PCDH9: variants seen among roughly 807,000 people sequenced by gnomAD.
The protein encoded by PCDH9 is protocadherin-9.
Under a neutral mutation model 70.6 loss-of-function variants are expected in PCDH9, and 24 were observed. The ratio of observed to expected loss-of-function variants is 0.34; its 90% CI spans 0.25 to 0.48. The LOEUF (loss-of-function observed/expected upper bound fraction) is 0.48, where lower values mean the gene tolerates loss of function less well. Ranked by LOEUF, PCDH9 falls within the 20% of genes least tolerant of loss-of-function variation. PCDH9 has a pLI of 0.99. For missense variants in PCDH9, 1,281 were observed against 1,503.6 expected, an observed-to-expected ratio of 0.85 and a Z score of 2.45; for synonymous variants, 562 against 558.5, an observed-to-expected ratio of 1.01 and a Z score of -0.09.
At chr13:66,679,647 T>A (rs915376351) in intron 3 of PCDH9, among the ~76,000 whole-genome samples, 5 of 151,998 alleles carry the variant, frequency 3.3e-5, no homozygotes, top group African/African-American at 9.6e-5. Flanking sequence ...ATAGCAATGT[T>A]AATGTTACAG....
intron 2 of PCDH9, among the ~76,000 whole-genome samples, chr13:67,131,179 A>T (rs1264012910): frequency 4.6e-5 from 7 of 152,162 alleles, no homozygotes; most frequent in Non-Finnish European, 7.4e-5. Flanking sequence ...TTCTAAGTAA[A>T]TAGAAAATTT....
chr13:67,059,329 A>AC (rs112282439), intron 2 of PCDH9, among the ~76,000 whole-genome samples: 56 of 141,664 alleles, frequency 4.0e-4, no homozygotes, highest in African/African-American at 9.1e-4. Context: ...AAAAAAAAAA[A>AC]CAAATTTCAA....
Position 67,225,792 on chromosome 13 carries a change from G to T in PCDH9, c.2649C>A (p.Asn883Lys), listed in dbSNP as rs371380403. ...KRKSPKSSLL[N>K]FVTIEESKPD... ...GTTTGGACTCTTCGATAGTAACAAA[G>T]TTCAAAAGAGAGCTTTTGGGAGACT... is the stretch of plus-strand genomic sequence containing the variant. The change falls in exon 2 of 5, where the codon AAC (asparagine) becomes AAA (lysine). Residue 883 changes from asparagine (N) to lysine (K), a missense_variant. Physicochemically the swap from Asn to Lys is moderately conservative, Grantham distance 94. Around this residue, in one of 4 missense-constraint regions of PCDH9, gnomAD observed 207 missense variants for 191.8 expected, o/e 1.08. Transcript: ENST00000377865. 2 of 1,613,988 alleles carry T rather than the reference G, an allele frequency of 1.2e-6. No individual in the cohort carries two copies. The highest frequency in any genetic ancestry group is 2.7e-5 in the African/African-American group (2 of 74,940).
At chr13:66,543,292 C>T (rs561576167) in intron 4 of PCDH9, among the ~76,000 whole-genome samples, 8 of 152,136 alleles carry the variant, frequency 5.3e-5, no homozygotes, top group African/African-American at 9.6e-5. Context: ...AAATGATGGC[C>T]GGGCACAGTG....
intron 3 of PCDH9, among the ~76,000 whole-genome samples, chr13:66,846,526 T>C (rs1173429342): frequency 1.3e-5 from 2 of 152,178 alleles, no homozygotes; most frequent in African/African-American, 4.8e-5. Context: ...ACTGTATTTT[T>C]AGGAATATGA....
intron 2 of PCDH9, among the ~76,000 whole-genome samples, chr13:67,077,929 A>C (rs568938204): frequency 6.6e-6 from 1 of 152,326 alleles, no homozygotes; most frequent in South Asian, 2.1e-4. Context: ...ATTTCTACAT[A>C]CAAGTCTAAA....
At position 66,449,098 on chromosome 13, in the gene PCDH9, GA is replaced by G. The variant is rs543937111; in HGVS notation, c.3341-144071del. ...GATAAAATCATCTGCTCCTCCTAGT[GA>G]GCTTATATAATCTTCCATAAAACAC... On this transcript the variant is annotated intron_variant, in intron 4 of 4. Coordinates refer to ENST00000377865, the MANE Select transcript of PCDH9 (RefSeq NM_203487.3). Among the ~76,000 whole-genome samples, 511 of 152,174 alleles carry G rather than the reference GA, an allele frequency of 3.4e-3. 6 individuals are homozygous for G. The highest frequency in any genetic ancestry group is 0.012 in the African/African-American group (491 of 41,538).
At chr13:66,819,572 G>T (rs567614753) in intron 3 of PCDH9, among the ~76,000 whole-genome samples, 1 of 152,160 alleles carries the variant, frequency 6.6e-6, no homozygotes, top group East Asian at 1.9e-4. Flanking sequence ...AGTTAATTAG[G>T]GAGAGTATCT....
At chr13:67,113,668 C>G (rs953053407) in intron 2 of PCDH9, among the ~76,000 whole-genome samples, 1 of 152,124 alleles carries the variant, frequency 6.6e-6, no homozygotes, top group African/African-American at 2.4e-5. Context: ...CTGCCTCAGC[C>G]TCCCGAGTAG....
chr13:66,342,794 T>TTTA (rs1320773787), intron 4 of PCDH9, among the ~76,000 whole-genome samples: 1,365 of 11,222 alleles, frequency 0.12, 5 homozygotes, highest in Non-Finnish European at 0.43. Flanking sequence ...TATTTATTTA[T>TTTA]TGTATTTATT....
intron 2 of PCDH9, among the ~76,000 whole-genome samples, chr13:67,074,068 CTA>C: frequency 6.7e-6 from 1 of 149,000 alleles, no homozygotes; most frequent in East Asian, 2.0e-4. Context: ...ATCTATCTAT[CTA>C]TCTGTTTATT....
chr13:66,449,130 G>T (rs1041355998), intron 4 of PCDH9, among the ~76,000 whole-genome samples: 31 of 152,030 alleles, frequency 2.0e-4, no homozygotes, highest in Non-Finnish European at 3.2e-4. Flanking sequence ...AACACTGACT[G>T]GAACCAAAGA....
At chr13:66,865,095 T>C (rs1208365709) in intron 3 of PCDH9, among the ~76,000 whole-genome samples, 6 of 152,156 alleles carry the variant, frequency 3.9e-5, no homozygotes, top group East Asian at 3.8e-4. Context: ...TTTTATGAAG[T>C]TTTTGCTTCA....
chr13:66,390,187 A>G (rs1956992848), intron 4 of PCDH9, among the ~76,000 whole-genome samples: 1 of 152,192 alleles, frequency 6.6e-6, no homozygotes, highest in African/African-American at 2.4e-5. Flanking sequence ...CAGTGAAATG[A>G]TTTACTTGCC....
At chr13:66,780,512 T>C (rs2079981141) in intron 3 of PCDH9, among the ~76,000 whole-genome samples, 1 of 152,146 alleles carries the variant, frequency 6.6e-6, no homozygotes, top group African/African-American at 2.4e-5. Flanking sequence ...TCAAATGCCA[T>C]TCTTTCAGAT....
At chr13:66,404,930 C>T (rs1957254054) in intron 4 of PCDH9, among the ~76,000 whole-genome samples, 2 of 152,068 alleles carry the variant, frequency 1.3e-5, no homozygotes. Flanking sequence ...ATAATCCATC[C>T]TCTTTCCATT....
chr13:66,436,460 A>G (rs1161585456), intron 4 of PCDH9, among the ~76,000 whole-genome samples: 1 of 152,154 alleles, frequency 6.6e-6, no homozygotes, highest in African/African-American at 2.4e-5. Flanking sequence ...AAATGGACGG[A>G]TCCACTTACC....
At chr13:66,766,837 TTAA>T (rs1436611594) in intron 3 of PCDH9, among the ~76,000 whole-genome samples, 2 of 152,040 alleles carry the variant, frequency 1.3e-5, no homozygotes, top group Non-Finnish European at 2.9e-5. Flanking sequence ...TTTAGTTTTC[TTAA>T]TAATATTTCT....
At chr13:66,992,539 T>C (rs1257355187) in intron 2 of PCDH9, among the ~76,000 whole-genome samples, 1 of 152,206 alleles carries the variant, frequency 6.6e-6, no homozygotes, top group African/African-American at 2.4e-5. Context: ...TCAGCACACT[T>C]CTGTTGGAAG....
Sources: allele counts gnomAD v4.1 joint callset (sites outside exome capture counted in the v4.1 genomes callset), GRCh38; gene constraint gnomAD v4.1.1; regional missense constraint gnomAD v4.1.1; transcripts MANE v1.5; gene names NCBI Gene and HGNC (gene_info 2026-07-23, HGNC 2026-07-21).